The following SYTL3 variants were observed in gnomAD, a reference collection of about 807,000 sequenced individuals.
SYTL3 encodes synaptotagmin-like protein 3.
In SYTL3, 88 loss-of-function variants were observed where a neutral mutation model predicts 82.1. The observed-to-expected ratio is 1.07, with a 90% CI of 0.90 to 1.28. SYTL3 has a LOEUF of 1.28. Ranked by LOEUF, SYTL3 falls within the 50% of genes most tolerant of loss-of-function variation. The probability of loss-of-function intolerance (pLI) is 0.00; values close to 1 mark genes in which losing one functional copy is unlikely to be tolerated. For synonymous variants in SYTL3, 311 were observed against 289.4 expected, an observed-to-expected ratio of 1.07 and a Z score of -0.76; for missense variants, 831 against 757.6, an observed-to-expected ratio of 1.10 and a Z score of -1.14.
intron 6 of SYTL3, among the ~76,000 whole-genome samples, chr6:158,703,382 G>C (rs750860048): frequency 4.6e-5 from 7 of 152,126 alleles, no homozygotes; most frequent in Non-Finnish European, 8.8e-5. Context: ...ACCGGGCAGG[G>C]TGGTGGGGGC....
chr6:158,685,372 C>G (rs1407794543), intron 6 of SYTL3, among the ~76,000 whole-genome samples: 1 of 152,008 alleles, frequency 6.6e-6, no homozygotes, highest in African/African-American at 2.4e-5. Context: ...CGCCCCATGT[C>G]TGACTAATTT....
intron 11 of SYTL3, among the ~76,000 whole-genome samples, chr6:158,735,938 C>G (rs1786090970): frequency 6.6e-6 from 1 of 152,186 alleles, no homozygotes; most frequent in African/African-American, 2.4e-5. Context: ...GTTGAACTCT[C>G]TTTAGTTGAA....
intron 10 of SYTL3, among the ~76,000 whole-genome samples, chr6:158,719,434 G>A (rs895333451): frequency 1.3e-5 from 2 of 152,144 alleles, no homozygotes; most frequent in Non-Finnish European, 1.5e-5. Flanking sequence ...CAGTAGCTGC[G>A]GGGTGGACGT....
intron 8 of SYTL3, among the ~76,000 whole-genome samples, chr6:158,713,557 A>G (rs776509346): frequency 1.3e-5 from 2 of 152,180 alleles, no homozygotes; most frequent in East Asian, 1.9e-4. Flanking sequence ...TGCTCCTTCA[A>G]TGTGAATAGC....
chr6:158,709,352 G>A (rs559722861), intron 8 of SYTL3, among the ~76,000 whole-genome samples: 1 of 152,296 alleles, frequency 6.6e-6, no homozygotes, highest in African/African-American at 2.4e-5. Context: ...ATTTAATGCA[G>A]AGCCTATTTT....
Position 158,762,183 on chromosome 6 carries a change from G to C in SYTL3, c.1517+5G>C, listed in dbSNP as rs202195910. The C allele has an allele frequency of 6.3e-7, 1 of 1,597,886 alleles. No individual in the cohort carries two copies. Among genetic ancestry groups the C allele is most frequent in the African/African-American group, 1.3e-5 (1 of 74,460 alleles). ...CTTGAACTCATTTGTTAAGGGGTAG[G>C]TATTCGATGTAATCAAATATTTATT... On this transcript the variant is annotated splice_donor_5th_base_variant and intron_variant, in intron 16 of 17. Transcript: ENST00000611299.
At chr6:158,714,014 C>A in intron 9 of SYTL3, 136 bp downstream of exon 9, 1 of 676,740 alleles carries the variant, frequency 1.5e-6, no homozygotes, top group South Asian at 1.7e-5. Flanking sequence ...TGGGGAAAGC[C>A]ACAGCACCTG....
chr6:158,721,160 C>G (rs1038984034), intron 10 of SYTL3, among the ~76,000 whole-genome samples: 1 of 152,164 alleles, frequency 6.6e-6, no homozygotes, highest in Non-Finnish European at 1.5e-5. Context: ...AGGAACGCTT[C>G]CAACTTTCTG....
intron 6 of SYTL3, among the ~76,000 whole-genome samples, chr6:158,683,556 G>T (rs1218326643): frequency 6.6e-6 from 1 of 152,170 alleles, no homozygotes; most frequent in Non-Finnish European, 1.5e-5. Flanking sequence ...GCACTACAAG[G>T]TTTCCCTGGC....
intron 13 of SYTL3, among the ~76,000 whole-genome samples, chr6:158,755,025 GAT>G (rs1788890427): frequency 6.6e-6 from 1 of 152,176 alleles, no homozygotes; most frequent in African/African-American, 2.4e-5. Flanking sequence ...TATAGACAGA[GAT>G]TGAATGTGGG....
At chr6:158,675,728 A>G (rs570757764) in intron 5 of SYTL3, among the ~76,000 whole-genome samples, 156 of 152,222 alleles carry the variant, frequency 1.0e-3, no homozygotes, top group African/African-American at 3.4e-3. Context: ...TGGGCGGATC[A>G]TGAGGTCAGG....
intron 9 of SYTL3, among the ~76,000 whole-genome samples, chr6:158,716,233 T>G (rs1393015280): frequency 6.6e-6 from 1 of 152,184 alleles, no homozygotes; most frequent in East Asian, 1.9e-4. Context: ...CTGCATTTCT[T>G]TCTCTTCCTT....
At chr6:158,764,295 A>G (rs1211814456) in intron 17 of SYTL3, among the ~76,000 whole-genome samples, 200 bp from the exon 18 acceptor site, 1 of 152,118 alleles carries the variant, frequency 6.6e-6, no homozygotes, top group African/African-American at 2.4e-5. Flanking sequence ...CGCAGAGCAG[A>G]GGATGCCTGC....
Position 158,763,225 on chromosome 6 carries a change from C to T in SYTL3, c.1518-79C>T, listed in dbSNP as rs1001223562. ...ACTTGGCACTTTTCTTAGTGCTTCC[C>T]GTCTGCACTGACGCACAGGCCTCAG... is the stretch of plus-strand genomic sequence containing the variant. On this transcript the variant is annotated intron_variant, in intron 16 of 17. Coordinates refer to ENST00000611299, the MANE Select transcript of SYTL3 (RefSeq NM_001242394.2). 240 of 1,378,162 alleles carry T rather than the reference C, an allele frequency of 1.7e-4. 2 individuals carry two copies. The African/African-American group carries it at 2.7e-3, about 15-fold the overall frequency. 85.4% of individuals were successfully genotyped at this position (1,378,162 alleles called of 1,614,324 possible). A position where few individuals can be genotyped will look rare whatever the true frequency, so the allele number is the denominator to read the frequency against.
chr6:158,685,394 G>A (rs1048238607), intron 6 of SYTL3, among the ~76,000 whole-genome samples: 1 of 151,952 alleles, frequency 6.6e-6, no homozygotes, highest in African/African-American at 2.4e-5. Flanking sequence ...TGTATTTTTA[G>A]TAGAGATGGA....
intron 1 of SYTL3, among the ~76,000 whole-genome samples, chr6:158,650,936 G>A (rs1281404002): frequency 2.6e-5 from 4 of 152,126 alleles, no homozygotes; most frequent in African/African-American, 9.7e-5. Flanking sequence ...GGGCAACAGA[G>A]TAAGACTCCG....
chr6:158,758,436 CA>C (rs560146235), intron 14 of SYTL3, among the ~76,000 whole-genome samples: 49,701 of 126,878 alleles, frequency 0.39, 9,155 homozygotes, highest in East Asian at 0.75. Context: ...GACTCTGTCT[CA>C]AAAAAAAAAA....
chr6:158,690,632 A>G (rs1779762526), intron 6 of SYTL3, among the ~76,000 whole-genome samples: 1 of 152,204 alleles, frequency 6.6e-6, no homozygotes, highest in Admixed American at 6.5e-5. Flanking sequence ...ACAAGAAAAA[A>G]TGAGCCTCAG....
At chr6:158,688,350 C>G (rs1161554639) in intron 6 of SYTL3, among the ~76,000 whole-genome samples, 1 of 152,036 alleles carries the variant, frequency 6.6e-6, no homozygotes, top group Admixed American at 6.6e-5. Flanking sequence ...GCCAAATTAC[C>G]CTCTGGGAGT....
Sources: gnomAD v4.1 joint callset for allele counts (sites outside exome capture counted in the v4.1 genomes callset) on GRCh38, gnomAD v4.1.1 for gene constraint, MANE v1.5 for transcripts, NCBI Gene and HGNC (gene_info 2026-07-23, HGNC 2026-07-21) for gene names.